The following PANX1 variants were observed in gnomAD, a reference collection of about 807,000 sequenced individuals.
PANX1 encodes pannexin-1.
PANX1 carries 30 observed loss-of-function variants against 38.7 expected under a neutral mutation model. That is an observed-to-expected ratio of 0.78 (90% CI 0.58 to 1.05). The LOEUF is 1.05. PANX1 is among the 50% of genes least tolerant of loss of function. The pLI is 0.00. For synonymous variants in PANX1, 230 were observed against 212.2 expected (o/e 1.08, Z -0.73); for missense variants, 551 against 517.2 (o/e 1.07, Z -0.63).
chr11:94,153,151 A>G (rs1304660205), intron 1 of PANX1, among the ~76,000 whole-genome samples: 1 of 151,776 alleles, frequency 6.6e-6, no homozygotes, highest in Non-Finnish European at 1.5e-5. Flanking sequence ...CTTTTTCTCA[A>G]TCCTTACTCC....
At chr11:94,157,508 T>A (rs1344697284) in intron 2 of PANX1, among the ~76,000 whole-genome samples, 1 of 152,216 alleles carries the variant, frequency 6.6e-6, no homozygotes, top group African/African-American at 2.4e-5. Flanking sequence ...CATTTTTTCA[T>A]GTGTCTGTTG....
chr11:94,129,311 C>A lies in PANX1; in HGVS notation c.-2C>A. 6.2e-7 allele frequency: 1 copy of A among 1,604,178 alleles called. No individual in the cohort carries two copies. The highest frequency in any genetic ancestry group is 1.7e-5 in the Admixed American group (1 of 59,736). ...CCTGGTCGAGCCTGGCGCGCCGCAG[C>A]CATGGCCATCGCTCAACTGGCCACG... is the stretch of plus-strand genomic sequence containing the variant. On this transcript the variant is annotated 5_prime_UTR_variant, in exon 1 of 5. Coordinates refer to ENST00000227638, the MANE Select transcript of PANX1 (RefSeq NM_015368.4).
At chr11:94,153,671 A>G in intron 2 of PANX1, 41 bp downstream of exon 2, 1 of 1,587,550 alleles carries the variant, frequency 6.3e-7, no homozygotes, top group Non-Finnish European at 8.6e-7. Context: ...TTTGCTTTAT[A>G]GATAAGGAAA....
At chr11:94,157,169 A>G (rs1946960468) in intron 2 of PANX1, among the ~76,000 whole-genome samples, 1 of 152,086 alleles carries the variant, frequency 6.6e-6, no homozygotes, top group South Asian at 2.1e-4. Context: ...GCTATTGTGA[A>G]TAGTGCCACA....
intron 1 of PANX1, among the ~76,000 whole-genome samples, chr11:94,151,196 A>G (rs1384897223): frequency 6.6e-6 from 1 of 152,092 alleles, no homozygotes; most frequent in Non-Finnish European, 1.5e-5. Flanking sequence ...GATGAAGACC[A>G]TTTCTTAAGA....
Position 94,180,848 on chromosome 11 carries a change from A to C in PANX1, c.1260A>C (p.Arg420Ser). 6.3e-7 allele frequency: 1 copy of C among 1,587,180 alleles called. No individual in the cohort carries two copies. Among genetic ancestry groups the C allele is most frequent in the Non-Finnish European group, 8.7e-7 (1 of 1,155,484 alleles). The change falls in exon 5 of 5, where the codon AGA becomes AGC. Residue 420 changes from arginine (R) to serine (S), a missense_variant. Arg to Ser is a moderately radical substitution (Grantham distance 110, BLOSUM62 -1). Transcript: ENST00000227638. ...ATGGAGAGAAGAATGCCCGACAGAG[A>C]CTTCTGGATTCTTCTTGCTGATGAT... Reference protein sequence around the residue: ...ANNGEKNARQRLLDSSC With the variant: ...ANNGEKNARQSLLDSSC
At chr11:94,175,712 G>A (rs1947224874) in intron 2 of PANX1, 4 of 982,778 alleles carry the variant, frequency 4.1e-6, no homozygotes, top group South Asian at 4.7e-5. Flanking sequence ...CTTCTGATTG[G>A]GCAAGAATTA....
Position 94,153,513 on chromosome 11 carries a change from TC to T in PANX1, c.206del (p.Pro69GlnfsTer71). 3.7e-6 allele frequency: 6 copies of T among 1,614,218 alleles called. No individual in the cohort carries two copies. Among genetic ancestry groups the T allele is most frequent in the Non-Finnish European group, 5.1e-6 (6 of 1,180,034 alleles). On this transcript the variant is annotated frameshift_variant, in exon 2 of 5. Transcript: ENST00000227638. LOFTEE classifies it high-confidence loss of function. ...TAGGTACACAGATAAGCTGTTTCTCTCCAAGTTCTTTCTCCTGGCGTCAGGC... is the reference window on the plus strand; with the variant it reads ...TAGGTACACAGATAAGCTGTTTCTCTCAAGTTCTTTCTCCTGGCGTCAGGC... ...SIGTQISCFSPSSFSWRQAAF... is the reference protein window; with the variant it reads ...SIGTQISCFSXSSFSWRQAAF...
At chr11:94,136,765 C>A (rs1223486840) in intron 1 of PANX1, among the ~76,000 whole-genome samples, 1 of 151,614 alleles carries the variant, frequency 6.6e-6, no homozygotes, top group Non-Finnish European at 1.5e-5. Context: ...GAGACTCCGT[C>A]TCAAAAAAAA....
intron 2 of PANX1, among the ~76,000 whole-genome samples, chr11:94,173,716 C>G (rs1372768573): frequency 5.9e-5 from 9 of 151,644 alleles, no homozygotes; most frequent in Non-Finnish European, 1.3e-4. Context: ...CTCTCCTTCC[C>G]ATGTGTTTCT....
chr11:94,162,194 C>T (rs1406906475), intron 2 of PANX1, among the ~76,000 whole-genome samples: 1 of 152,200 alleles, frequency 6.6e-6, no homozygotes, highest in Non-Finnish European at 1.5e-5. Flanking sequence ...GCAGTCTGTC[C>T]ATTCTCAGAC....
intron 2 of PANX1, among the ~76,000 whole-genome samples, chr11:94,173,638 C>T (rs1336834774): frequency 2.0e-5 from 3 of 151,602 alleles, no homozygotes; most frequent in Non-Finnish European, 4.4e-5. Context: ...GTATGTCTCC[C>T]CCATCTGTTG....
chr11:94,159,518 G>A (rs1448588055), intron 2 of PANX1, among the ~76,000 whole-genome samples: 5 of 150,454 alleles, frequency 3.3e-5, no homozygotes, highest in South Asian at 4.2e-4. Context: ...CCATTTCTTC[G>A]AGGTGTTTAT....
chr11:94,139,373 G>A (rs990510301), intron 1 of PANX1, among the ~76,000 whole-genome samples: 3 of 152,142 alleles, frequency 2.0e-5, no homozygotes, highest in African/African-American at 7.2e-5. Flanking sequence ...AAAGGCTCTT[G>A]AATTATAGGA....
chr11:94,158,587 C>T (rs534581055), intron 2 of PANX1, among the ~76,000 whole-genome samples: 10 of 152,182 alleles, frequency 6.6e-5, no homozygotes, highest in Admixed American at 2.0e-4. Flanking sequence ...GTGATTTTTG[C>T]ACATTGATTT....
chr11:94,161,840 C>G (rs905068038), intron 2 of PANX1, among the ~76,000 whole-genome samples: 2 of 152,148 alleles, frequency 1.3e-5, no homozygotes, highest in African/African-American at 4.8e-5. Flanking sequence ...TTTTCCCCAT[C>G]TTTGTGGTTT....
intron 2 of PANX1, among the ~76,000 whole-genome samples, chr11:94,167,012 G>C (rs1026418544): frequency 6.6e-6 from 1 of 152,136 alleles, no homozygotes; most frequent in African/African-American, 2.4e-5. Flanking sequence ...AGTTGGTGGT[G>C]AAGCCAGCAG....
At chr11:94,139,633 C>T (rs1041947779) in intron 1 of PANX1, among the ~76,000 whole-genome samples, 16 of 152,196 alleles carry the variant, frequency 1.1e-4, no homozygotes, top group Non-Finnish European at 1.8e-4. Flanking sequence ...CAGCCCCAAC[C>T]CCTGACCTCA....
At chr11:94,129,595 A>G in intron 1 of PANX1, 102 bp downstream of exon 1, 1 of 1,094,476 alleles carries the variant, frequency 9.1e-7, no homozygotes, top group Non-Finnish European at 1.3e-6. Flanking sequence ...CCCAGCTGTG[A>G]TGGTCGTGAG....
Sources: allele counts gnomAD v4.1 joint callset (sites outside exome capture counted in the v4.1 genomes callset), GRCh38; gene constraint gnomAD v4.1.1; transcripts MANE v1.5; gene names NCBI Gene and HGNC (gene_info 2026-07-23, HGNC 2026-07-21).